JARID2: variants seen among roughly 807,000 people sequenced by gnomAD.
JARID2 encodes the protein jumonji and AT-rich interaction domain containing 2.
A neutral mutation model predicts 125.6 loss-of-function variants in JARID2; 21 were observed. The ratio of observed to expected loss-of-function variants is 0.17; its 90% CI spans 0.12 to 0.24. The LOEUF is 0.24. Among genes scored for constraint, JARID2 ranks in the 10% least tolerant of loss-of-function variants. JARID2 has a pLI of 1.00. For synonymous variants in JARID2, 736 were observed against 661.6 expected (o/e 1.11, Z -1.73); for missense variants, 1,303 against 1,639.6 (o/e 0.79, Z 3.55).
rs146809056 is a variant in JARID2, at chr6:15,408,917, GTTTCTA to G, written c.182-1301_182-1296del. On this transcript the variant is annotated intron_variant, in intron 2 of 17. Transcript: ENST00000341776. ...GCATTTTCTTTGGGGGTTTTTGTAT[GTTTCTA>G]TTTCTGTATTGTAGTCACAACTCTT... Among the ~76,000 whole-genome samples the G allele has an allele frequency of 5.8e-3, 884 of 152,154 alleles. 11 individuals carry two copies. Among genetic ancestry groups the G allele is most frequent in the African/African-American group, 0.02 (826 of 41,472 alleles).
chr6:15,323,079 A>T lies in JARID2; in HGVS notation c.46-51038A>T, dbSNP rs552613930. Among the ~76,000 whole-genome samples the T allele has an allele frequency of 9.8e-5, 15 of 152,346 alleles. No individual in the cohort carries two copies. The East Asian group carries it at 2.9e-3, about 29-fold the overall frequency. On this transcript the variant is annotated intron_variant, in intron 1 of 17. Coordinates refer to ENST00000341776, the MANE Select transcript of JARID2 (RefSeq NM_004973.4). ...GGACTGTAGGTTACTTTTCCTCACA[A>T]CATTCTGGTTGTAGGTTTCCTGACA... is the stretch of plus-strand genomic sequence containing the variant.
intron 1 of JARID2, among the ~76,000 whole-genome samples, chr6:15,278,968 G>T (rs1760648178): frequency 6.6e-6 from 1 of 151,928 alleles, no homozygotes; most frequent in South Asian, 2.1e-4. Context: ...TGAGGTTGAG[G>T]CATGAGAATC....
At chr6:15,273,631 T>G (rs2004884) in intron 1 of JARID2, among the ~76,000 whole-genome samples, 68,452 of 152,028 alleles carry the variant, frequency 0.45, 15,677 homozygotes, top group African/African-American at 0.54. Flanking sequence ...AACCTGGGAC[T>G]TGTGGGTTGC....
chr6:15,461,754 C>T (rs1267539908), intron 4 of JARID2, among the ~76,000 whole-genome samples: 1 of 152,132 alleles, frequency 6.6e-6, no homozygotes, highest in Non-Finnish European at 1.5e-5. Context: ...AAAAATGTTT[C>T]GACTGAAGAC....
chr6:15,447,899 A>T (rs1305566457), intron 3 of JARID2, among the ~76,000 whole-genome samples: 1 of 151,924 alleles, frequency 6.6e-6, no homozygotes, highest in Non-Finnish European at 1.5e-5. Flanking sequence ...CATCCAAATC[A>T]CTTTCTTCCA....
At chr6:15,509,143 T>G in intron 12 of JARID2, 1 of 1,286,894 alleles carries the variant, frequency 7.8e-7, no homozygotes, top group Non-Finnish European at 1.0e-6. Flanking sequence ...CATCCCTGAT[T>G]GAGGCTGGGT....
At chr6:15,269,542 AT>A (rs200047981) in intron 1 of JARID2, among the ~76,000 whole-genome samples, 193 of 141,980 alleles carry the variant, frequency 1.4e-3, no homozygotes, top group Non-Finnish European at 1.7e-3. Context: ...CTAATTTTTA[AT>A]TTTTTTTTGT....
At chr6:15,424,309 T>G (rs1295418380) in intron 3 of JARID2, among the ~76,000 whole-genome samples, 1 of 152,176 alleles carries the variant, frequency 6.6e-6, no homozygotes, top group East Asian at 1.9e-4. Context: ...TGGCTTATTT[T>G]GATTTGGAAT....
Position 15,398,887 on chromosome 6 carries a change from G to A in JARID2, c.182-11337G>A, listed in dbSNP as rs377379149. Among the ~76,000 whole-genome samples, 15 of 152,288 alleles carry A rather than the reference G, an allele frequency of 9.8e-5. No homozygotes were observed. In the East Asian group the frequency reaches 2.9e-3, roughly 29 times the overall value. On this transcript the variant is annotated intron_variant, in intron 2 of 17. Coordinates refer to ENST00000341776, the MANE Select transcript of JARID2 (RefSeq NM_004973.4). ...ACTTCATTTCTGGCCAACTGTTTAT[G>A]TCTCGGCGTTTCTACTTTTCTTACC...
intron 6 of JARID2, among the ~76,000 whole-genome samples, chr6:15,492,877 T>C (rs146366453): frequency 9.0e-4 from 137 of 152,334 alleles, no homozygotes; most frequent in African/African-American, 3.1e-3. Flanking sequence ...GTGTGTGATA[T>C]CTGGGTGGAT....
intron 1 of JARID2, among the ~76,000 whole-genome samples, chr6:15,319,291 A>T (rs1171780762): frequency 6.6e-6 from 1 of 152,068 alleles, no homozygotes; most frequent in Non-Finnish European, 1.5e-5. Flanking sequence ...TTGAACAATA[A>T]TTTTAAAAGA....
chr6:15,442,553 G>C (rs1459258858), intron 3 of JARID2, among the ~76,000 whole-genome samples: 1 of 152,206 alleles, frequency 6.6e-6, no homozygotes, highest in Admixed American at 6.5e-5. Flanking sequence ...TTGACGAGAA[G>C]AGTATTTGTG....
rs538229054 is a variant in JARID2 at position 15,352,138 on chromosome 6, G to A, written c.46-21979G>A. ...TCATTGCAGGCTTATCTTCCCCGTT[G>A]CCCTCCTGAAATCCTGTTAGTTTCT... On this transcript the variant is annotated intron_variant, in intron 1 of 17. Transcript: ENST00000341776. Among the ~76,000 whole-genome samples, 12 of 152,134 alleles carry A rather than the reference G, an allele frequency of 7.9e-5. No individual in the cohort carries two copies. In the South Asian group the frequency reaches 2.5e-3, roughly 32 times the overall value.
chr6:15,429,306 C>G (rs1306793406), intron 3 of JARID2, among the ~76,000 whole-genome samples: 1 of 151,738 alleles, frequency 6.6e-6, no homozygotes, highest in African/African-American at 2.4e-5. Context: ...ACTCTGTCAC[C>G]CAGGCTGGAA....
At chr6:15,265,824 G>C (rs1375055564) in intron 1 of JARID2, among the ~76,000 whole-genome samples, 2 of 151,972 alleles carry the variant, frequency 1.3e-5, no homozygotes, top group African/African-American at 2.4e-5. Context: ...GATAGTGTGG[G>C]ATTGTCCCAG....
chr6:15,448,310 G>A (rs1581578765), intron 3 of JARID2, among the ~76,000 whole-genome samples: 2 of 152,140 alleles, frequency 1.3e-5, no homozygotes, highest in East Asian at 3.8e-4. Context: ...TTGAGCATTG[G>A]TAGGAGCAGT....
rs532752741 is a variant in JARID2 at position 15,476,875 on chromosome 6, G to A, written c.670+8157G>A. Among the ~76,000 whole-genome samples, 6 of 152,280 alleles carry A rather than the reference G, an allele frequency of 3.9e-5. No individual in the cohort carries two copies. In the South Asian group the frequency reaches 1.2e-3, roughly 32 times the overall value. ...GATTTTTCTTAAGCTCTCATAATTGGTTATTTTTTCCAGGGGGTAAGTGAG... is the reference window on the plus strand; with the variant it reads ...GATTTTTCTTAAGCTCTCATAATTGATTATTTTTTCCAGGGGGTAAGTGAG... On this transcript the variant is annotated intron_variant, in intron 5 of 17. Transcript: ENST00000341776.
chr6:15,267,771 T>C (rs2127346045), intron 1 of JARID2, among the ~76,000 whole-genome samples: 1 of 152,058 alleles, frequency 6.6e-6, no homozygotes, highest in East Asian at 1.9e-4. Flanking sequence ...GTAGGGGGTT[T>C]TTGGGTGGTG....
chr6:15,420,399 T>TAA (rs35773283), intron 3 of JARID2, among the ~76,000 whole-genome samples: 316 of 143,314 alleles, frequency 2.2e-3, no homozygotes, highest in East Asian at 3.5e-3. Context: ...CAAGACTCCA[T>TAA]AAAAAAAAAA....
Sources: gnomAD v4.1 joint callset for allele counts (sites outside exome capture counted in the v4.1 genomes callset) on GRCh38, gnomAD v4.1.1 for gene constraint, MANE v1.5 for transcripts, NCBI Gene and HGNC (gene_info 2026-07-23, HGNC 2026-07-21) for gene names.